FRS2: variants seen among roughly 807,000 people sequenced by gnomAD.
The protein encoded by FRS2 is FGFR signalling adaptor.
Under a neutral mutation model 43.9 loss-of-function variants are expected in FRS2, and 8 were observed. That is an observed-to-expected ratio of 0.18 (90% CI 0.11 to 0.33). The LOEUF (loss-of-function observed/expected upper bound fraction) is 0.33. Among genes scored for constraint, FRS2 ranks in the 10% least tolerant of loss-of-function variants. The pLI, the probability that FRS2 is intolerant of heterozygous loss-of-function variation, is 1.00. For synonymous variants in FRS2, 219 were observed against 220.3 expected (o/e 0.99, Z 0.05); for missense variants, 534 against 627.6 (o/e 0.85, Z 1.59).
chr12:69,575,287 C>A lies in FRS2; in HGVS notation c.*332C>A. The A allele has an allele frequency of 4.2e-6, 1 of 235,810 alleles. No individual in the cohort carries two copies. The highest frequency in any genetic ancestry group is 8.9e-5 in the East Asian group (1 of 11,220). The allele number at this position is 235,810 out of a possible 1,614,324, so 14.6% of individuals were successfully genotyped here. ...CCTTTCATGTCTAAGTCATGGTTGG[C>A]TTTTAAAACTTTTTATAAAGCCTCT... On this transcript the variant is annotated 3_prime_UTR_variant, in exon 9 of 9. Coordinates refer to ENST00000549921, the MANE Select transcript of FRS2 (RefSeq NM_001278356.2).
chr12:69,567,983 G>C (rs1481420356), intron 4 of FRS2, among the ~76,000 whole-genome samples: 1 of 152,180 alleles, frequency 6.6e-6, no homozygotes, highest in Non-Finnish European at 1.5e-5. Flanking sequence ...TCAAATTTAT[G>C]TTTGTAATGT....
At chr12:69,569,220 C>A in intron 5 of FRS2, 124 bp downstream of exon 5, 1 of 556,456 alleles carries the variant, frequency 1.8e-6, no homozygotes. Flanking sequence ...TCTTTCCACC[C>A]TGTCTTTCTT....
rs138906600 is a variant in FRS2, at chr12:69,529,442, G to A, written c.-260-1423G>A. Among the ~76,000 whole-genome samples the A allele has an allele frequency of 2.2e-3, 339 of 152,080 alleles. 3 individuals are homozygous for A. The East Asian group carries it at 0.042, about 19-fold the overall frequency. ...AGTTTGAGACCAGCCTGGCGAACAT[G>A]GTGAAACCTCGTCTCTACTAAAAAT... is the stretch of plus-strand genomic sequence containing the variant. On this transcript the variant is annotated intron_variant, in intron 1 of 8. Transcript: ENST00000549921.
intron 1 of FRS2, among the ~76,000 whole-genome samples, chr12:69,528,697 C>CTA (rs1876502244): frequency 6.6e-6 from 1 of 152,112 alleles, no homozygotes. Context: ...TGAAGATTAC[C>CTA]ATCTCCCAAA....
intron 1 of FRS2, among the ~76,000 whole-genome samples, chr12:69,499,623 A>G (rs1367638999): frequency 6.6e-6 from 1 of 152,202 alleles, no homozygotes; most frequent in Non-Finnish European, 1.5e-5. Context: ...ATTCTAAAAT[A>G]AGATGATTTT....
chr12:69,520,357 C>T (rs561794475), intron 1 of FRS2, among the ~76,000 whole-genome samples: 11 of 143,138 alleles, frequency 7.7e-5, no homozygotes, highest in African/African-American at 2.9e-4. Context: ...TGTAGGTTGT[C>T]TCTTTTCCTC....
At chr12:69,531,284 T>G (rs1359493362) in intron 2 of FRS2, among the ~76,000 whole-genome samples, 1 of 151,378 alleles carries the variant, frequency 6.6e-6, no homozygotes, top group Non-Finnish European at 1.5e-5. Context: ...GAGCTGAGAT[T>G]GCACCACTGC....
At chr12:69,490,770 A>G (rs368462481) in intron 1 of FRS2, among the ~76,000 whole-genome samples, 3 of 152,178 alleles carry the variant, frequency 2.0e-5, no homozygotes, top group African/African-American at 4.8e-5. Context: ...TGCCATGGTT[A>G]TACTTTTCAC....
intron 3 of FRS2, among the ~76,000 whole-genome samples, chr12:69,556,017 G>T (rs1024062431): frequency 4.0e-5 from 6 of 149,878 alleles, no homozygotes; most frequent in East Asian, 1.9e-4. Context: ...GCGGGGGGGG[G>T]GGCGGTGTAC....
chr12:69,571,756 C>T (rs1349548185), intron 7 of FRS2, among the ~76,000 whole-genome samples: 3 of 151,792 alleles, frequency 2.0e-5, no homozygotes, highest in African/African-American at 4.8e-5. Flanking sequence ...CCCAGCTACT[C>T]GGGAGGCTGA....
At chr12:69,538,199 A>ATATATATATATATATATATATATATG (rs1877510245) in intron 3 of FRS2, among the ~76,000 whole-genome samples, 1 of 51,354 alleles carries the variant, frequency 1.9e-5, no homozygotes, top group Non-Finnish European at 5.2e-5. Flanking sequence ...AACAAATTTT[A>ATATATATATATATATATATATATATG]TATATATATA....
At chr12:69,556,910 T>C (rs901919306) in intron 3 of FRS2, among the ~76,000 whole-genome samples, 6 of 152,192 alleles carry the variant, frequency 3.9e-5, no homozygotes, top group African/African-American at 1.4e-4. Context: ...GTACTGTGGT[T>C]TTACCTCCTA....
chr12:69,541,616 G>A (rs1305636862), intron 3 of FRS2, among the ~76,000 whole-genome samples: 1 of 151,906 alleles, frequency 6.6e-6, no homozygotes, highest in Admixed American at 6.6e-5. Flanking sequence ...ACTTGAGCCT[G>A]GGAGTTTGAG....
chr12:69,572,548 A>T (rs547116353), intron 8 of FRS2, among the ~76,000 whole-genome samples: 1 of 152,350 alleles, frequency 6.6e-6, no homozygotes, highest in Admixed American at 6.5e-5. Flanking sequence ...ACTAATGGTC[A>T]GTTCCCATTA....
chr12:69,556,072 T>C (rs1879321972), intron 3 of FRS2, among the ~76,000 whole-genome samples: 1 of 150,982 alleles, frequency 6.6e-6, no homozygotes, highest in African/African-American at 2.4e-5. Flanking sequence ...TATTAGACTT[T>C]AAAAAAAAAT....
chr12:69,494,393 C>A (rs1156892207), intron 1 of FRS2, among the ~76,000 whole-genome samples: 2 of 152,164 alleles, frequency 1.3e-5, no homozygotes, highest in Admixed American at 6.5e-5. Context: ...AGCAATCTTT[C>A]AGTATAAGCA....
intron 1 of FRS2, among the ~76,000 whole-genome samples, chr12:69,496,949 ATAT>A: frequency 6.6e-6 from 1 of 152,246 alleles, no homozygotes. Context: ...CAAGGTTTAG[ATAT>A]TATTCCAAAT....
chr12:69,532,865 C>T (rs1003607046), intron 3 of FRS2, among the ~76,000 whole-genome samples: 4 of 152,110 alleles, frequency 2.6e-5, no homozygotes, highest in Non-Finnish European at 4.4e-5. Flanking sequence ...TGAATAATCC[C>T]GCCATCCTTT....
At position 69,532,981 on chromosome 12, in the gene FRS2, T is replaced by C. The variant is rs1034463991; in HGVS notation, c.-122+925T>C. On this transcript the variant is annotated intron_variant, in intron 3 of 8. Coordinates refer to ENST00000549921, the MANE Select transcript of FRS2 (RefSeq NM_001278356.2). ...AGTAATTTTCTTATTCTTACTTTGA[T>C]GTGTTACCACACTGCATAAATAGAA... Among the ~76,000 whole-genome samples, 4 of 152,384 alleles carry C rather than the reference T, an allele frequency of 2.6e-5. 1 individual carries two copies. In the South Asian group the frequency reaches 8.3e-4, roughly 32 times the overall value.
Sources: gnomAD v4.1 joint callset for allele counts (sites outside exome capture counted in the v4.1 genomes callset) on GRCh38, gnomAD v4.1.1 for gene constraint, MANE v1.5 for transcripts, NCBI Gene and HGNC (gene_info 2026-07-23, HGNC 2026-07-21) for gene names.